GRM7: variants seen among roughly 807,000 people sequenced by gnomAD.
GRM7 encodes the protein glutamate metabotropic receptor 7, also known as metabotropic glutamate receptor 7.
GRM7 carries 35 observed loss-of-function variants against 84.5 expected under a neutral mutation model. That is an observed-to-expected ratio of 0.41 (90% CI 0.32 to 0.55). GRM7 has a LOEUF of 0.55. Among genes scored for constraint, GRM7 ranks in the 20% least tolerant of loss-of-function variants. GRM7 has a pLI of 0.19. For missense variants in GRM7, 1,003 were observed against 1,194.6 expected (o/e 0.84, Z 2.36); for synonymous variants, 487 against 455.1 (o/e 1.07, Z -0.89).
chr3:7,388,577 T>G (rs1334417926), intron 4 of GRM7, among the ~76,000 whole-genome samples: 1 of 152,052 alleles, frequency 6.6e-6, no homozygotes, highest in African/African-American at 2.4e-5. Context: ...GTCCAAGGCT[T>G]TTTTTGGTTC....
At chr3:6,992,573 T>A (rs1694681009) in intron 1 of GRM7, among the ~76,000 whole-genome samples, 1 of 152,134 alleles carries the variant, frequency 6.6e-6, no homozygotes, top group African/African-American at 2.4e-5. Flanking sequence ...TAACATGGAA[T>A]GAAGTTGATG....
chr3:7,285,334 C>T (rs765713049), intron 2 of GRM7, among the ~76,000 whole-genome samples: 7 of 152,114 alleles, frequency 4.6e-5, no homozygotes, highest in Non-Finnish European at 1.0e-4. Flanking sequence ...TTAAAACCCC[C>T]TACAGACAGT....
chr3:7,197,626 G>T (rs1695920762), intron 2 of GRM7, among the ~76,000 whole-genome samples: 1 of 151,484 alleles, frequency 6.6e-6, no homozygotes, highest in Non-Finnish European at 1.5e-5. Context: ...TAGTCAGTTT[G>T]TGTTTTAGAG....
chr3:7,386,966 G>T (rs959534624), intron 4 of GRM7, among the ~76,000 whole-genome samples: 1 of 152,012 alleles, frequency 6.6e-6, no homozygotes, highest in Non-Finnish European at 1.5e-5. Context: ...TCATTCTGAT[G>T]GGTGTGAGAT....
intron 8 of GRM7, among the ~76,000 whole-genome samples, chr3:7,586,908 G>T (rs984903461): frequency 3.3e-5 from 5 of 152,174 alleles, no homozygotes; most frequent in Admixed American, 2.6e-4. Context: ...TATACTGTAT[G>T]ATTCAATTTA....
At chr3:7,018,411 C>A (rs1413756356) in intron 1 of GRM7, among the ~76,000 whole-genome samples, 1 of 152,216 alleles carries the variant, frequency 6.6e-6, no homozygotes, top group Non-Finnish European at 1.5e-5. Flanking sequence ...CCCCATGGAA[C>A]TTTCTAAGTG....
chr3:7,301,710 T>C (rs1269162863), intron 3 of GRM7, among the ~76,000 whole-genome samples: 1 of 152,186 alleles, frequency 6.6e-6, no homozygotes, highest in Admixed American at 6.5e-5. Context: ...TCATTCATAA[T>C]AGTGATGACA....
chr3:7,688,882 G>C (rs1366390319), intron 9 of GRM7, among the ~76,000 whole-genome samples: 2 of 152,150 alleles, frequency 1.3e-5, no homozygotes, highest in Admixed American at 6.5e-5. Flanking sequence ...AGCCTGGTTT[G>C]AAAATGCATT....
intron 5 of GRM7, among the ~76,000 whole-genome samples, chr3:7,447,909 C>A (rs1304523107): frequency 4.6e-5 from 5 of 108,384 alleles, no homozygotes; most frequent in Non-Finnish European, 9.0e-5. Flanking sequence ...CTCCCCCCAC[C>A]CCACAACAGT....
chr3:7,342,174 A>G (rs113292415), intron 4 of GRM7, among the ~76,000 whole-genome samples: 6,337 of 152,198 alleles, frequency 0.042, 291 homozygotes, highest in African/African-American at 0.12. Context: ...TTATGTCCCA[A>G]TGACTCAGGG....
intron 7 of GRM7, among the ~76,000 whole-genome samples, chr3:7,531,798 T>A (rs567861328): frequency 6.6e-6 from 1 of 152,260 alleles, no homozygotes; most frequent in South Asian, 2.1e-4. Context: ...CCTTTATTTC[T>A]TTCTCTTACC....
chr3:7,410,128 A>G (rs890852580), intron 4 of GRM7, among the ~76,000 whole-genome samples: 2 of 152,170 alleles, frequency 1.3e-5, no homozygotes, highest in Admixed American at 1.3e-4. Flanking sequence ...AAATACTGTA[A>G]GCTGAAGAGC....
At chr3:7,354,572 G>T (rs1693304611) in intron 4 of GRM7, among the ~76,000 whole-genome samples, 1 of 152,142 alleles carries the variant, frequency 6.6e-6, no homozygotes, top group South Asian at 2.1e-4. Flanking sequence ...TCCCTGGAGG[G>T]AGAGTAGAGA....
In GRM7 at chr3:7,561,306, T is replaced by A. The variant is rs1694017002; in HGVS notation, c.1516-17116T>A. ...AACTGGGTCACACTTACATCTTAAA[T>A]TACATTGAATTTAGTGTGATTTATA... On this transcript the variant is annotated intron_variant, in intron 7 of 9. Transcript: ENST00000357716. 2.0e-5 allele frequency: 5 copies of A among 256,396 alleles called. No homozygotes were observed. In the Admixed American group the frequency reaches 2.2e-4, roughly 12 times the overall value. 15.9% of individuals were successfully genotyped at this position (256,396 alleles called of 1,614,324 possible).
At chr3:7,244,639 A>G (rs2124927487) in intron 2 of GRM7, among the ~76,000 whole-genome samples, 1 of 152,230 alleles carries the variant, frequency 6.6e-6, no homozygotes, top group South Asian at 2.1e-4. Context: ...TGAACTCTGA[A>G]CCAAACTCCC....
At chr3:7,546,015 C>G (rs1287791178) in intron 7 of GRM7, among the ~76,000 whole-genome samples, 2 of 152,088 alleles carry the variant, frequency 1.3e-5, no homozygotes, top group Non-Finnish European at 2.9e-5. Context: ...TAGTGTAGTG[C>G]CTGGTTCATT....
chr3:7,160,266 G>C (rs895833429), intron 2 of GRM7, among the ~76,000 whole-genome samples: 1 of 152,098 alleles, frequency 6.6e-6, no homozygotes, highest in African/African-American at 2.4e-5. Context: ...TGTAGCCTGG[G>C]TGGGAGCCCA....
intron 1 of GRM7, among the ~76,000 whole-genome samples, chr3:7,073,844 CTAAG>C (rs112806295): frequency 0.13 from 19,095 of 151,958 alleles, 1,797 homozygotes; most frequent in African/African-American, 0.27. Flanking sequence ...GTAGAGCTAC[CTAAG>C]TAAGCATCCT....
intron 4 of GRM7, among the ~76,000 whole-genome samples, chr3:7,320,681 A>AGTGTGTGTGTGTGTGTGTGT (rs56313913): frequency 1.6e-4 from 23 of 141,248 alleles, no homozygotes; most frequent in Admixed American, 5.8e-4. Flanking sequence ...GTGGGTGATC[A>AGTGTGTGTGTGTGTGTGTGT]GTGTGTGTGT....
Sources: allele counts gnomAD v4.1 joint callset (sites outside exome capture counted in the v4.1 genomes callset), GRCh38; gene constraint gnomAD v4.1.1; transcripts MANE v1.5; gene names NCBI Gene and HGNC (gene_info 2026-07-23, HGNC 2026-07-21).